Variants in TRPC3 observed in about 807,000 individuals in gnomAD.
TRPC3 encodes the protein short transient receptor potential channel 3.
A neutral mutation model predicts 90.9 loss-of-function variants in TRPC3; 54 were observed. The ratio of observed to expected loss-of-function variants is 0.59; its 90% CI spans 0.48 to 0.75. The LOEUF (loss-of-function observed/expected upper bound fraction) is 0.75. Among genes scored for constraint, TRPC3 ranks in the 30% least tolerant of loss-of-function variants. The probability of loss-of-function intolerance (pLI) is 0.00; values close to 1 mark genes in which losing one functional copy is unlikely to be tolerated. For missense variants in TRPC3, 918 were observed against 1,194.5 expected, an observed-to-expected ratio of 0.77 and a Z score of 3.41; for synonymous variants, 424 against 450.9, an observed-to-expected ratio of 0.94 and a Z score of 0.75.
At chr4:121,885,985 G>T (rs373116715) in intron 10 of TRPC3, among the ~76,000 whole-genome samples, 15 of 152,270 alleles carry the variant, frequency 9.9e-5, no homozygotes, top group East Asian at 7.7e-4. Context: ...CTAGAGAGAG[G>T]TTCCAAAACT....
At chr4:121,943,252 G>A (rs1730380940) in intron 1 of TRPC3, among the ~76,000 whole-genome samples, 1 of 152,044 alleles carries the variant, frequency 6.6e-6, no homozygotes. Context: ...AGTGGTGGAG[G>A]GGAATTGAAG....
chr4:121,914,793 G>A lies in TRPC3; in HGVS notation c.1328C>T (p.Ala443Val), dbSNP rs183645103. 17 of 1,610,376 alleles carry A rather than the reference G, an allele frequency of 1.1e-5. No homozygotes were observed. Among genetic ancestry groups the A allele is most frequent in the Non-Finnish European group, 1.4e-5 (17 of 1,177,334 alleles). ...LPFLAIGYWI[A>V]PCSRLGKILR... ...GAAAGCAAGTACCCTGCTGCAAGGTGCGATCCAGTAGCCAATGGCCAGGAA... is the reference window on the plus strand; with the variant it reads ...GAAAGCAAGTACCCTGCTGCAAGGTACGATCCAGTAGCCAATGGCCAGGAA... The change falls in exon 4 of 12, where the codon GCA becomes GTA. Residue 443 changes from alanine (A) to valine (V), a missense_variant. Ala to Val is a moderately conservative substitution (Grantham distance 64, BLOSUM62 0). Around this residue, in one of 4 missense-constraint regions of TRPC3, gnomAD observed 609 missense variants for 725.9 expected, o/e 0.84. Transcript: ENST00000379645.
intron 10 of TRPC3, among the ~76,000 whole-genome samples, chr4:121,884,742 A>G (rs924186894): frequency 1.3e-5 from 2 of 152,218 alleles, no homozygotes; most frequent in Admixed American, 1.3e-4. Flanking sequence ...TGAATTTTGT[A>G]GAATCTAGAT....
intron 4 of TRPC3, among the ~76,000 whole-genome samples, chr4:121,913,403 C>T (rs3805159): frequency 0.022 from 3,396 of 152,258 alleles, 158 homozygotes; most frequent in East Asian, 0.21. Flanking sequence ...AGGTGGTATA[C>T]GGCAGCTCTA....
At chr4:121,922,301 A>G (rs1249279550) in intron 3 of TRPC3, among the ~76,000 whole-genome samples, 1 of 152,152 alleles carries the variant, frequency 6.6e-6, no homozygotes, top group Non-Finnish European at 1.5e-5. Context: ...TCTTACACAC[A>G]TTTATTATTC....
intron 11 of TRPC3, among the ~76,000 whole-genome samples, chr4:121,880,787 T>C (rs2149102503): frequency 6.6e-6 from 1 of 152,298 alleles, no homozygotes; most frequent in South Asian, 2.1e-4. Flanking sequence ...CTTAGGTTTT[T>C]ATAATAAAAT....
chr4:121,921,640 T>C (rs916249830), intron 3 of TRPC3, among the ~76,000 whole-genome samples: 2 of 151,454 alleles, frequency 1.3e-5, no homozygotes, highest in Admixed American at 6.6e-5. Flanking sequence ...TAAATATGAG[T>C]TTATTATGTT....
intron 1 of TRPC3, among the ~76,000 whole-genome samples, chr4:121,947,317 C>CA (rs1418433625): frequency 2.6e-5 from 4 of 151,858 alleles, no homozygotes; most frequent in African/African-American, 4.8e-5. Flanking sequence ...AGTCTGGACT[C>CA]AAAGTCCAGA....
At chr4:121,947,754 C>T (rs1730543379) in intron 1 of TRPC3, among the ~76,000 whole-genome samples, 3 of 152,144 alleles carry the variant, frequency 2.0e-5, no homozygotes, top group African/African-American at 4.8e-5. Context: ...TTTATTAAGA[C>T]AATTTTTTGG....
At chr4:121,897,453 C>CAAAAAAAAAAAA (rs70950860) in intron 10 of TRPC3, among the ~76,000 whole-genome samples, 17 of 43,434 alleles carry the variant, frequency 3.9e-4, no homozygotes, top group East Asian at 7.6e-4. Flanking sequence ...ATCTCAACAG[C>CAAAAAAAAAAAA]AAAAAAAAAA....
chr4:121,951,598 T>TCCTCGC lies in TRPC3; in HGVS notation c.77_82dup (p.Gly26_Glu27dup), dbSNP rs1011867542. On this transcript the variant is annotated inframe_insertion, in exon 1 of 12. Transcript: ENST00000379645. The surrounding 1 kb of genome is among the most constrained non-coding windows in gnomAD (Gnocchi z 4.4). ...GCGGCGCTGCGGCTCCGCGCCCTCG[T>TCCTCGC]CCTCGCCCTCGTCTTCCTCCTCCTC... The TCCTCGC allele has an allele frequency of 2.8e-6, 4 of 1,449,250 alleles. No homozygotes were observed. The African/African-American group carries it at 4.5e-5, about 16-fold the overall frequency. The allele number at this position is 1,449,250 out of a possible 1,614,324, so 89.8% of individuals were successfully genotyped here. A position where few individuals can be genotyped will look rare whatever the true frequency, so the allele number is the denominator to read the frequency against.
intron 1 of TRPC3, among the ~76,000 whole-genome samples, chr4:121,940,333 A>G (rs767648243): frequency 6.6e-6 from 1 of 152,192 alleles, no homozygotes; most frequent in Non-Finnish European, 1.5e-5. Flanking sequence ...AACAAAACAA[A>G]ATTTAAAACA....
chr4:121,951,334 C>T lies in TRPC3; in HGVS notation c.215+132G>A. 2 of 542,056 alleles carry T rather than the reference C, an allele frequency of 3.7e-6. No individual in the cohort carries two copies. Among genetic ancestry groups the T allele is most frequent in the Non-Finnish European group, 5.0e-6 (2 of 396,464 alleles). 33.6% of individuals were successfully genotyped at this position (542,056 alleles called of 1,614,324 possible). On this transcript the variant is annotated intron_variant, in intron 1 of 11. Transcript: ENST00000379645. The surrounding 1 kb of genome is among the most constrained non-coding windows in gnomAD (Gnocchi z 4.4). ...CTGTCCCCTCCAAATCACTCCAAAT[C>T]GAACTGCCTGGCCGTACCATGTGGG...
chr4:121,942,127 C>A (rs1730340173), intron 1 of TRPC3, among the ~76,000 whole-genome samples: 1 of 152,190 alleles, frequency 6.6e-6, no homozygotes, highest in African/African-American at 2.4e-5. Context: ...CCACCGCCGC[C>A]CTGACACACA....
chr4:121,885,310 T>C lies in TRPC3; in HGVS notation c.2548-2881A>G, dbSNP rs543494304. Among the ~76,000 whole-genome samples, 6 of 152,306 alleles carry C rather than the reference T, an allele frequency of 3.9e-5. No homozygotes were observed. The South Asian group carries it at 8.3e-4, about 21-fold the overall frequency. ...GTAAACCCAAGACAGTATTGTGTAA[T>C]AGGCAACAAAGACTCTTGAGGTCTC... On this transcript the variant is annotated intron_variant, in intron 10 of 11. Transcript: ENST00000379645.
chr4:121,885,829 A>G (rs886240402), intron 10 of TRPC3, among the ~76,000 whole-genome samples: 4 of 152,164 alleles, frequency 2.6e-5, no homozygotes, highest in Non-Finnish European at 4.4e-5. Flanking sequence ...AACTAACACA[A>G]AAGAAGTCTA....
intron 1 of TRPC3, among the ~76,000 whole-genome samples, chr4:121,939,923 C>T (rs1306376860): frequency 6.6e-6 from 1 of 152,206 alleles, no homozygotes; most frequent in African/African-American, 2.4e-5. Context: ...TCCCCTCCCC[C>T]AAGGGCCAGA....
At position 121,907,387 on chromosome 4, in the gene TRPC3, A is replaced by T; in HGVS notation, c.1973T>A (p.Ile658Asn). 1.9e-6 allele frequency: 3 copies of T among 1,613,494 alleles called. No individual in the cohort carries two copies. Among genetic ancestry groups the T allele is most frequent in the Non-Finnish European group, 2.5e-6 (3 of 1,179,528 alleles). ...KDIFKFMVLF[I>N]MVFFAFMIGM... Reference sequence around the variant, plus strand: ...AATCATAAAGGCAAAAAACACCATAATAAAGAGGACCATGAACTTGAATAT... The same window carrying T: ...AATCATAAAGGCAAAAAACACCATATTAAAGAGGACCATGAACTTGAATAT... Residue 658 changes from isoleucine to asparagine, a missense_variant, in exon 7 of 12, where the codon ATT becomes AAT. This residue lies in a region of TRPC3 where 147 missense variants were observed against 263.5 expected (regional missense o/e 0.56). Transcript: ENST00000379645.
At chr4:121,949,989 AC>A in intron 1 of TRPC3, among the ~76,000 whole-genome samples, 1 of 152,368 alleles carries the variant, frequency 6.6e-6, no homozygotes, top group East Asian at 1.9e-4. Flanking sequence ...AAAAACAGCT[AC>A]GTTATAAAAA....
Sources: allele counts gnomAD v4.1 joint callset (sites outside exome capture counted in the v4.1 genomes callset), GRCh38; gene constraint gnomAD v4.1.1; regional missense constraint gnomAD v4.1.1; non-coding constraint Gnocchi (gnomAD v3.1); transcripts MANE v1.5; gene names NCBI Gene and HGNC (gene_info 2026-07-23, HGNC 2026-07-21).